TSPAN8: variants seen among roughly 807,000 people sequenced by gnomAD.
The protein encoded by TSPAN8 is tetraspanin-8.
Under a neutral mutation model 32.8 loss-of-function variants are expected in TSPAN8, and 21 were observed. That is an observed-to-expected ratio of 0.64 (90% CI 0.45 to 0.92). The LOEUF is 0.92. Ranked by LOEUF, TSPAN8 falls within the 40% of genes least tolerant of loss-of-function variation. The pLI, the probability that TSPAN8 is intolerant of heterozygous loss-of-function variation, is 0.00. For missense variants in TSPAN8, 269 were observed against 281.9 expected, an observed-to-expected ratio of 0.95 and a Z score of 0.33; for synonymous variants, 95 against 94.6, an observed-to-expected ratio of 1.00 and a Z score of -0.03.
rs1306324276 is a variant in TSPAN8, at chr12:71,131,011, T to C, written c.577-1597A>G. Among the ~76,000 whole-genome samples, 3 of 152,146 alleles carry C rather than the reference T, an allele frequency of 2.0e-5. No individual in the cohort carries two copies. In the East Asian group the frequency reaches 5.8e-4, roughly 29 times the overall value. ...GAATTATGTGTGAACTTACAGAAAC[T>C]ATCTAATAGTTTTTTTAGAATAATT... On this transcript the variant is annotated intron_variant, in intron 7 of 8. Transcript: ENST00000247829.
intron 2 of TSPAN8, among the ~76,000 whole-genome samples, chr12:71,144,481 A>T (rs1872009402): frequency 1.3e-5 from 2 of 152,178 alleles, no homozygotes; most frequent in African/African-American, 4.8e-5. Context: ...GCCTGGAAAG[A>T]TTATTTTTCC....
chr12:71,125,418 A>G, intron 8 of TSPAN8, 31 bp from the exon 9 acceptor site: 1 of 1,571,410 alleles, frequency 6.4e-7, no homozygotes, highest in Non-Finnish European at 8.7e-7. Context: ...ATTAACATGG[A>G]ATTTAAGGGA....
chr12:71,125,579 T>G (rs1184260009), intron 8 of TSPAN8, among the ~76,000 whole-genome samples, 192 bp from the exon 9 acceptor site: 2 of 152,196 alleles, frequency 1.3e-5, no homozygotes, highest in African/African-American at 2.4e-5. Context: ...CTCTTGAGTT[T>G]TTTTTGTGTT....
At position 71,153,094 on chromosome 12, in the gene TSPAN8, GCTCT is replaced by G. The variant is rs1481752556; in HGVS notation, c.60+4521_60+4524del. ...CTCATTAAGAACTGGCCTCTCTATA[GCTCT>G]CTGTCTCTGGTCATTATTCTACTGC... On this transcript the variant is annotated intron_variant, in intron 2 of 8. Transcript: ENST00000247829. 5.9e-5 allele frequency among the ~76,000 whole-genome samples: 9 copies of G among 152,108 alleles called. No individual in the cohort carries two copies. In the East Asian group the frequency reaches 1.5e-3, roughly 26 times the overall value.
At chr12:71,128,360 AAG>A (rs1871407339) in intron 8 of TSPAN8, among the ~76,000 whole-genome samples, 1 of 152,192 alleles carries the variant, frequency 6.6e-6, no homozygotes, top group Non-Finnish European at 1.5e-5. Flanking sequence ...TGGCACGAGT[AAG>A]AGGTAGAAAA....
At chr12:71,151,951 A>G (rs763443559) in intron 2 of TSPAN8, among the ~76,000 whole-genome samples, 1 of 152,256 alleles carries the variant, frequency 6.6e-6, no homozygotes, top group Non-Finnish European at 1.5e-5. Context: ...TAGGGCTAAA[A>G]TTATATTTAC....
At chr12:71,148,311 GCAGA>G (rs1872140155) in intron 2 of TSPAN8, among the ~76,000 whole-genome samples, 1 of 152,172 alleles carries the variant, frequency 6.6e-6, no homozygotes, top group African/African-American at 2.4e-5. Flanking sequence ...TGAATACTCA[GCAGA>G]CATTGTTTCA....
intron 3 of TSPAN8, among the ~76,000 whole-genome samples, chr12:71,143,654 C>T (rs879759631): frequency 2.6e-5 from 4 of 152,142 alleles, no homozygotes; most frequent in Admixed American, 6.5e-5. Context: ...ATAACAAGTA[C>T]CCTTGTACCT....
At chr12:71,125,521 C>G in intron 8 of TSPAN8, 134 bp from the exon 9 acceptor site, 1 of 701,336 alleles carries the variant, frequency 1.4e-6, no homozygotes, top group South Asian at 2.3e-5. Context: ...ACTCATCTCT[C>G]TTGGGAAATT....
At chr12:71,137,899 A>T in intron 6 of TSPAN8, 54 bp downstream of exon 6, 1 of 1,508,332 alleles carries the variant, frequency 6.6e-7, no homozygotes, top group Non-Finnish European at 9.0e-7. Context: ...AAAACTAAAC[A>T]AACACAGAAG....
chr12:71,143,401 C>A (rs544224546), intron 3 of TSPAN8, among the ~76,000 whole-genome samples: 98 of 152,248 alleles, frequency 6.4e-4, no homozygotes, highest in African/African-American at 2.3e-3. Context: ...AGATACCACA[C>A]GTATGGGGTC....
rs1158677368 is a variant in TSPAN8 at position 71,142,861 on chromosome 12, AC to A, written c.123+1289del. Among the ~76,000 whole-genome samples, 4 of 151,534 alleles carry A rather than the reference AC, an allele frequency of 2.6e-5. No homozygotes were observed. In the Admixed American group the frequency reaches 2.6e-4, roughly 10 times the overall value. The stretch of plus-strand genomic sequence containing the variant: ...GAGGAAAAAAACAAAAAAAAAAAAA[AC>A]AGAGATAGAGTGAGAAAGAAATTTT... On this transcript the variant is annotated intron_variant, in intron 3 of 8. Coordinates refer to ENST00000247829, the MANE Select transcript of TSPAN8 (RefSeq NM_004616.3).
Position 71,125,366 on chromosome 12 carries a change from T to C in TSPAN8, c.682A>G (p.Met228Val), listed in dbSNP as rs763153476. Residue 228 changes from methionine (M) to valine (V), a missense_variant, in exon 9 of 9, where the codon ATG becomes GTG. Transcript: ENST00000247829. Reference protein sequence around the residue: ...VIEILGLVFSMVLYCQIGNK With the variant: ...VIEILGLVFSVVLYCQIGNK ...TTCCCGATCTGGCAATACAGGACCATAGAAAACACCAAACCCAGTATCTAG... is the reference window on the plus strand; with the variant it reads ...TTCCCGATCTGGCAATACAGGACCACAGAAAACACCAAACCCAGTATCTAG... 8 of 1,612,940 alleles carry C rather than the reference T, an allele frequency of 5.0e-6. No homozygotes were observed. The highest frequency in any genetic ancestry group is 6.8e-6 in the Non-Finnish European group (8 of 1,179,490).
At position 71,139,784 on chromosome 12, in the gene TSPAN8, C is replaced by A. The variant is rs1871839629; in HGVS notation, c.188G>T (p.Gly63Val). 1.9e-6 allele frequency: 3 copies of A among 1,613,996 alleles called. No homozygotes were observed. The highest frequency in any genetic ancestry group is 1.1e-5 in the South Asian group (1 of 91,086). The change falls in exon 4 of 9, where the codon GGT (glycine) becomes GTT (valine). Residue 63 changes from glycine to valine, a missense_variant. Gly to Val is a moderately radical substitution (Grantham distance 109). Transcript: ENST00000247829. The part of the protein sequence containing the change: ...YVAVDILIAV[G>V]AIIMILGFLG... Reference sequence around the variant, plus strand: ...GAAGCCCAGAATCATGATGATGGCACCTACAGCAATCAATATGTCCACAGC... The same window carrying A: ...GAAGCCCAGAATCATGATGATGGCAACTACAGCAATCAATATGTCCACAGC...
chr12:71,125,571 CTT>C (rs1241522009), intron 8 of TSPAN8, among the ~76,000 whole-genome samples, 184 bp from the exon 9 acceptor site: 5 of 152,120 alleles, frequency 3.3e-5, no homozygotes, highest in African/African-American at 1.2e-4. Context: ...CAAAAGCTCT[CTT>C]GAGTTTTTTT....
chr12:71,135,229 A>AAGG (rs751370557), intron 6 of TSPAN8, among the ~76,000 whole-genome samples: 14 of 49,464 alleles, frequency 2.8e-4, no homozygotes, highest in South Asian at 8.0e-4. Context: ...GAGGAAGAAG[A>AAGG]AGGAGGAGGA....
rs1435617920 is a variant in TSPAN8, at chr12:71,144,209, C to A, written c.65G>T (p.Cys22Phe). The change falls in exon 3 of 9, where the codon TGT (cysteine) becomes TTT (phenylalanine). Residue 22 changes from cysteine (C) to phenylalanine (F), a missense_variant. Transcript: ENST00000247829. ...MFTFNFLFWL[C>F]GILILALAIW... ...TGCTAATGCTAGGATCAAGATACCA[C>A]ATAGCTGCAGAAAAAAACAAACAAA... is the stretch of plus-strand genomic sequence containing the variant. 1 of 1,610,640 alleles carries A rather than the reference C, an allele frequency of 6.2e-7. No homozygotes were observed. Among genetic ancestry groups the A allele is most frequent in the African/African-American group, 1.3e-5 (1 of 74,946 alleles).
At chr12:71,153,929 G>T (rs1233612695) in intron 2 of TSPAN8, among the ~76,000 whole-genome samples, 5 of 152,168 alleles carry the variant, frequency 3.3e-5, no homozygotes, top group African/African-American at 1.2e-4. Flanking sequence ...AGGCACGTTA[G>T]TTAGAAAGAT....
At chr12:71,146,278 A>G (rs1346149995) in intron 2 of TSPAN8, among the ~76,000 whole-genome samples, 1 of 152,200 alleles carries the variant, frequency 6.6e-6, no homozygotes, top group East Asian at 1.9e-4. Context: ...TAAAAATGAA[A>G]CAAATGTTTA....
Sources: gnomAD v4.1 joint callset for allele counts (sites outside exome capture counted in the v4.1 genomes callset) on GRCh38, gnomAD v4.1.1 for gene constraint, MANE v1.5 for transcripts, NCBI Gene and HGNC (gene_info 2026-07-23, HGNC 2026-07-21) for gene names.